Variants in ERFE observed in about 807,000 individuals in gnomAD.
The protein encoded by ERFE is complement C1q tumor necrosis factor-related protein 15.
A neutral mutation model predicts 26.6 loss-of-function variants in ERFE; 25 were observed. The ratio of observed to expected loss-of-function variants is 0.94; its 90% confidence interval spans 0.69 to 1.31. The LOEUF (loss-of-function observed/expected upper bound fraction) is 1.31. Ranked by LOEUF, ERFE falls within the 40% of genes most tolerant of loss-of-function variation. ERFE has a pLI of 0.00. For synonymous variants in ERFE, 206 were observed against 204.5 expected (o/e 1.01, Z -0.06); for missense variants, 447 against 440.2 (o/e 1.02, Z -0.14).
chr2:238,164,145 T>C lies in ERFE; in HGVS notation c.758T>C (p.Val253Ala). 6.8e-7 allele frequency: 1 copy of C among 1,460,686 alleles called. No individual in the cohort carries two copies. Among genetic ancestry groups the C allele is most frequent in the Non-Finnish European group, 9.0e-7 (1 of 1,111,520 alleles). The allele number at this position is 1,460,686 out of a possible 1,614,324, so 90.5% of individuals were successfully genotyped here. ...ACCAGCGGCCAGTACAGGGCGCCCG[T>C]GGCTGGCTTCTACGCTCTCGCCGCC... is the stretch of plus-strand genomic sequence containing the variant. The part of the protein sequence containing the change: ...NLTSGQYRAP[V>A]AGFYALAATL... The change falls in exon 5 of 8, where the codon GTG (valine) becomes GCG (alanine). Residue 253 changes from valine (V) to alanine (A), a missense_variant. Coordinates refer to ENST00000546354, the MANE Select transcript of ERFE (RefSeq NM_001291832.2).
In ERFE at chr2:238,168,533, G is replaced by A. The variant is rs1278917419; in HGVS notation, c.*1479G>A. On this transcript the variant is annotated 3_prime_UTR_variant, in exon 8 of 8. Transcript: ENST00000546354. ...CACCAGGCCCGAATGATCCCCAGGA[G>A]CCCAGCTTCCAAACCCCAACATCGA... The A allele has an allele frequency of 8.9e-6, 4 of 450,984 alleles. No homozygotes were observed. In the East Asian group the frequency reaches 2.1e-4, roughly 24 times the overall value. The allele number at this position is 450,984 out of a possible 1,614,324, so 27.9% of individuals were successfully genotyped here.
In ERFE at chr2:238,163,912, G is replaced by T. The variant is rs1164353090; in HGVS notation, c.600G>T (p.Pro200=). Residue 200 remains proline, a synonymous_variant, in exon 4 of 8, where the codon CCG becomes CCT. Transcript: ENST00000546354. ...AAPLAPGPRA[P]RVEAAFLCRL... ...CCCTGGCCCCGGGGCCGCGGGCGCC[G>T]CGCGTGGAGGCCGCTTTCCTCTGCC... The T allele has an allele frequency of 7.6e-7, 1 of 1,322,832 alleles. No homozygotes were observed. Among genetic ancestry groups the T allele is most frequent in the African/African-American group, 1.6e-5 (1 of 64,446 alleles). The allele number at this position is 1,322,832 out of a possible 1,614,324, so 81.9% of individuals were successfully genotyped here. A position where few individuals can be genotyped will look rare whatever the true frequency, so the allele number is the denominator to read the frequency against.
intron 7 of ERFE, 88 bp downstream of exon 7, chr2:238,165,772 G>C: frequency 8.0e-7 from 1 of 1,242,474 alleles, no homozygotes; most frequent in Non-Finnish European, 1.1e-6. Context: ...TAGATGCTCA[G>C]GATCACTGGG....
chr2:238,163,350 C>T (rs781324509), intron 3 of ERFE, among the ~76,000 whole-genome samples: 3 of 152,140 alleles, frequency 2.0e-5, no homozygotes, highest in African/African-American at 4.8e-5. Flanking sequence ...AGAATTGAGC[C>T]GTTTTTTCCT....
intron 6 of ERFE, 160 bp from the exon 7 acceptor site, chr2:238,165,446 C>T (rs1693018996): frequency 1.6e-6 from 1 of 613,600 alleles, no homozygotes; most frequent in Non-Finnish European, 3.0e-6. Flanking sequence ...TGTCCTTCCT[C>T]CTCTTGGGGA....
At chr2:238,166,916 G>T in intron 7 of ERFE, 40 bp from the exon 8 acceptor site, 1 of 1,522,820 alleles carries the variant, frequency 6.6e-7, no homozygotes, top group Non-Finnish European at 8.9e-7. Flanking sequence ...TCTGCAGGCT[G>T]TTGGGGTGGC....
rs1692983339 is a variant in ERFE, at chr2:238,163,922, G to A, written c.610G>A (p.Ala204Thr). ...GGGGCCGCGGGCGCCGCGCGTGGAGGCCGCTTTCCTCTGCCGCCTGCGCCG... is the reference window on the plus strand; with the variant it reads ...GGGGCCGCGGGCGCCGCGCGTGGAGACCGCTTTCCTCTGCCGCCTGCGCCG... ...APGPRAPRVEAAFLCRLRRDA... is the reference protein window; with the variant it reads ...APGPRAPRVETAFLCRLRRDA... The change falls in exon 4 of 8, where the codon GCC (alanine) becomes ACC (threonine). Residue 204 changes from alanine to threonine, a missense_variant. Ala to Thr is a moderately conservative substitution (Grantham distance 58, BLOSUM62 0). Coordinates refer to ENST00000546354, the MANE Select transcript of ERFE (RefSeq NM_001291832.2). The A allele has an allele frequency of 7.5e-7, 1 of 1,337,420 alleles. No individual in the cohort carries two copies. Among genetic ancestry groups the A allele is most frequent in the Non-Finnish European group, 9.5e-7 (1 of 1,052,702 alleles). The allele number at this position is 1,337,420 out of a possible 1,614,324, so 82.8% of individuals were successfully genotyped here. A position where few individuals can be genotyped will look rare whatever the true frequency, so the allele number is the denominator to read the frequency against.
chr2:238,166,793 C>G (rs987566083), intron 7 of ERFE, among the ~76,000 whole-genome samples, 163 bp from the exon 8 acceptor site: 1 of 152,250 alleles, frequency 6.6e-6, no homozygotes, highest in Non-Finnish European at 1.5e-5. Context: ...CCAACCCGTG[C>G]GGGCCCTTGC....
chr2:238,164,274 CG>C lies in ERFE; in HGVS notation c.805del (p.Glu269SerfsTer47). 1 of 1,506,968 alleles carries C rather than the reference CG, an allele frequency of 6.6e-7. No homozygotes were observed. Among genetic ancestry groups the C allele is most frequent in the Non-Finnish European group, 8.8e-7 (1 of 1,134,516 alleles). 93.3% of individuals were successfully genotyped at this position (1,506,968 alleles called of 1,614,324 possible). ...ALAATLHVAL[G>X]EPPRRGPPRP... ...ACGTCCCACCCTCCCCCGCAGCGCTCGGGGAGCCGCCGAGGAGGGGGCCGCC... is the reference window on the plus strand; with the variant it reads ...ACGTCCCACCCTCCCCCGCAGCGCTCGGGAGCCGCCGAGGAGGGGGCCGCC... On this transcript the variant is annotated frameshift_variant, in exon 6 of 8. Coordinates refer to ENST00000546354, the MANE Select transcript of ERFE (RefSeq NM_001291832.2). LOFTEE classifies it high-confidence loss of function.
intron 1 of ERFE, among the ~76,000 whole-genome samples, chr2:238,161,377 G>A (rs559663253): frequency 6.6e-6 from 1 of 152,336 alleles, no homozygotes; most frequent in East Asian, 1.9e-4. Context: ...TCCAGGCCGA[G>A]GTGTGGCCCG....
Position 238,167,601 on chromosome 2 carries a change from C to A in ERFE, c.*547C>A, listed in dbSNP as rs908359261. On this transcript the variant is annotated 3_prime_UTR_variant, in exon 8 of 8. Coordinates refer to ENST00000546354, the MANE Select transcript of ERFE (RefSeq NM_001291832.2). ...TCTCCATCTGGGCTCCTTGGTCTTC[C>A]CTGCCCCTCCCCTAACCGTGTTCTA... The A allele has an allele frequency of 2.7e-6, 1 of 375,314 alleles. No homozygotes were observed. Among genetic ancestry groups the A allele is most frequent in the Non-Finnish European group, 5.3e-6 (1 of 187,356 alleles). The allele number at this position is 375,314 out of a possible 1,614,324, so 23.2% of individuals were successfully genotyped here. A position where few individuals can be genotyped will look rare whatever the true frequency, so the allele number is the denominator to read the frequency against.
chr2:238,160,776 G>A (rs532474776), intron 1 of ERFE, among the ~76,000 whole-genome samples: 3 of 152,168 alleles, frequency 2.0e-5, no homozygotes, highest in Non-Finnish European at 4.4e-5. Flanking sequence ...GGGTCCTTCC[G>A]TCAGCCCCCA....
At position 238,161,719 on chromosome 2, in the gene ERFE, GAGGCCGGCATCCCGTCAGTGCC is replaced by G. The variant is rs1692941796; in HGVS notation, c.321+10_321+31del. The G allele has an allele frequency of 6.5e-7, 1 of 1,540,882 alleles. No homozygotes were observed. The highest frequency in any genetic ancestry group is 8.8e-7 in the Non-Finnish European group (1 of 1,139,230). On this transcript the variant is annotated splice_donor_5th_base_variant and intron_variant, in intron 2 of 7. Transcript: ENST00000546354. ...GGGGCAAGGCCAAGAAGCTGAAGGT[GAGGCCGGCATCCCGTCAGTGCC>G]AGGCCGTGGGGGGTTCCGCCTCCTC...
intron 1 of ERFE, 49 bp from the exon 2 acceptor site, chr2:238,161,545 G>T: frequency 6.7e-7 from 1 of 1,487,592 alleles, no homozygotes; most frequent in African/African-American, 1.4e-5. Flanking sequence ...CACCTGCTTG[G>T]TAGGAGCCCA....
At position 238,161,800 on chromosome 2, in the gene ERFE, C is replaced by T. The variant is rs1378666380; in HGVS notation, c.321+84C>T. 151 of 1,432,106 alleles carry T rather than the reference C, an allele frequency of 1.1e-4. 1 individual carries two copies. The South Asian group carries it at 1.7e-3, about 17-fold the overall frequency. The allele number at this position is 1,432,106 out of a possible 1,614,324, so 88.7% of individuals were successfully genotyped here. On this transcript the variant is annotated intron_variant, in intron 2 of 7. Coordinates refer to ENST00000546354, the MANE Select transcript of ERFE (RefSeq NM_001291832.2). ...TCCACTCCCACTCCTACATCCTGAA[C>T]ATTTCCAATAGCACACCCCTCACGC... is the stretch of plus-strand genomic sequence containing the variant.
rs1693091149 is a variant in ERFE, at chr2:238,168,721, GCCACGC to G, written c.*1670_*1675del. The G allele has an allele frequency of 3.7e-6, 1 of 272,258 alleles. No individual in the cohort carries two copies. Among genetic ancestry groups the G allele is most frequent in the African/African-American group, 2.2e-5 (1 of 45,276 alleles). The allele number at this position is 272,258 out of a possible 1,614,324, so 16.9% of individuals were successfully genotyped here. On this transcript the variant is annotated 3_prime_UTR_variant, in exon 8 of 8. Transcript: ENST00000546354. ...TGTGTTTTGATAAGGGGGTGATGTGGCCACGCCCTTATCTAGATTTCACTTTGTATC... is the reference window on the plus strand; with the variant it reads ...TGTGTTTTGATAAGGGGGTGATGTGGCCTTATCTAGATTTCACTTTGTATC...
rs969162533 is a variant in ERFE, at chr2:238,167,298, A to G, written c.*244A>G. ...CATCTTGGGCTCTTATCCAGGAAAG[A>G]AAGAGTCGGCGTGCCTGGGGGCACC... On this transcript the variant is annotated 3_prime_UTR_variant, in exon 8 of 8. Coordinates refer to ENST00000546354, the MANE Select transcript of ERFE (RefSeq NM_001291832.2). The G allele has an allele frequency of 4.3e-6, 3 of 692,856 alleles. No homozygotes were observed. Among genetic ancestry groups the G allele is most frequent in the Non-Finnish European group, 7.9e-6 (3 of 379,314 alleles). The allele number at this position is 692,856 out of a possible 1,614,324, so 42.9% of individuals were successfully genotyped here.
rs1165754048 is a variant in ERFE, at chr2:238,163,902, C to T, written c.590C>T (p.Pro197Leu). ...ALLAAPLAPG[P>L]RAPRVEAAFL... ...CTGGCCGCGCCCCTGGCCCCGGGGC[C>T]GCGGGCGCCGCGCGTGGAGGCCGCT... is the stretch of plus-strand genomic sequence containing the variant. Residue 197 changes from proline to leucine, a missense_variant, in exon 4 of 8, where the codon CCG becomes CTG. Pro to Leu is a moderately conservative substitution (Grantham distance 98, BLOSUM62 -3). Coordinates refer to ENST00000546354, the MANE Select transcript of ERFE (RefSeq NM_001291832.2). The T allele has an allele frequency of 1.5e-6, 2 of 1,320,882 alleles. No individual in the cohort carries two copies. Among genetic ancestry groups the T allele is most frequent in the Admixed American group, 4.2e-5 (1 of 23,938 alleles). 81.8% of individuals were successfully genotyped at this position (1,320,882 alleles called of 1,614,324 possible). A position where few individuals can be genotyped will look rare whatever the true frequency, so the allele number is the denominator to read the frequency against.
At position 238,163,925 on chromosome 2, in the gene ERFE, G is replaced by C; in HGVS notation, c.613G>C (p.Ala205Pro). The change falls in exon 4 of 8, where the codon GCT (alanine) becomes CCT (proline). Residue 205 changes from alanine (A) to proline (P), a missense_variant. By Grantham distance (27) the Ala-to-Pro change is conservative. Transcript: ENST00000546354. The stretch of plus-strand genomic sequence containing the variant: ...GCCGCGGGCGCCGCGCGTGGAGGCC[G>C]CTTTCCTCTGCCGCCTGCGCCGGGA... ...PGPRAPRVEA[A>P]FLCRLRRDAL... 7.4e-7 allele frequency: 1 copy of C among 1,345,616 alleles called. No homozygotes were observed. The highest frequency in any genetic ancestry group is 9.5e-7 in the Non-Finnish European group (1 of 1,056,582). The allele number at this position is 1,345,616 out of a possible 1,614,324, so 83.4% of individuals were successfully genotyped here. A position where few individuals can be genotyped will look rare whatever the true frequency, so the allele number is the denominator to read the frequency against.
Sources: allele counts gnomAD v4.1 joint callset (sites outside exome capture counted in the v4.1 genomes callset), GRCh38; gene constraint gnomAD v4.1.1; transcripts MANE v1.5; gene names NCBI Gene and HGNC (gene_info 2026-07-23, HGNC 2026-07-21).